Variants in YPEL1 observed in about 807,000 individuals in gnomAD.
YPEL1 encodes the protein protein yippee-like 1.
YPEL1 carries 7 observed loss-of-function variants against 17.3 expected under a neutral mutation model. The ratio of observed to expected loss-of-function variants is 0.40; its 90% CI spans 0.23 to 0.76. The LOEUF (loss-of-function observed/expected upper bound fraction) is 0.76. YPEL1 is among the 30% of genes least tolerant of loss of function. The pLI, the probability that YPEL1 is intolerant of heterozygous loss-of-function variation, is 0.35. For synonymous variants in YPEL1, 59 were observed against 59.6 expected (o/e 0.99, Z 0.05); for missense variants, 91 against 155.5 (o/e 0.59, Z 2.21).
Position 21,703,996 on chromosome 22 carries a change from ACCG to A in YPEL1, c.118-117_118-115del. On this transcript the variant is annotated intron_variant, in intron 2 of 4. Transcript: ENST00000339468. The surrounding 1 kb of genome is among the most constrained non-coding windows in gnomAD (Gnocchi z 6.1). The stretch of plus-strand genomic sequence containing the variant: ...GCTGTTAGCTGCGCCGGGACGCGTC[ACCG>A]GGAGCAGACACCGGCGTCCCCCCTC... 8.3e-7 allele frequency: 1 copy of A among 1,201,214 alleles called. No homozygotes were observed. Among genetic ancestry groups the A allele is most frequent in the Non-Finnish European group, 1.2e-6 (1 of 827,014 alleles). The allele number at this position is 1,201,214 out of a possible 1,614,324, so 74.4% of individuals were successfully genotyped here.
chr22:21,714,510 C>A (rs1375780505), intron 1 of YPEL1, among the ~76,000 whole-genome samples: 1 of 152,240 alleles, frequency 6.6e-6, no homozygotes, highest in Non-Finnish European at 1.5e-5. Context: ...GGGCCCCCTT[C>A]ACCTGGTGTC....
chr22:21,706,672 C>T (rs1158282665), intron 2 of YPEL1, among the ~76,000 whole-genome samples: 1 of 151,720 alleles, frequency 6.6e-6, no homozygotes, highest in Admixed American at 6.6e-5. Flanking sequence ...ATGGCAAAAC[C>T]CTGTCCCTAC....
At chr22:21,712,892 T>G (rs1281092606) in intron 1 of YPEL1, among the ~76,000 whole-genome samples, 2 of 152,036 alleles carry the variant, frequency 1.3e-5, no homozygotes, top group Non-Finnish European at 2.9e-5. Context: ...TATTAGAATA[T>G]ATTTAAGAAA....
At chr22:21,704,025 C>T in intron 2 of YPEL1, 143 bp from the exon 3 acceptor site, 1 of 865,106 alleles carries the variant, frequency 1.2e-6, no homozygotes, top group South Asian at 1.4e-5. Context: ...GTCCCCCCTC[C>T]AGAACTCCAC....
intron 2 of YPEL1, among the ~76,000 whole-genome samples, chr22:21,704,873 C>G (rs73384110): frequency 6.6e-6 from 1 of 152,134 alleles, no homozygotes; most frequent in Non-Finnish European, 1.5e-5. Context: ...TTTGCCCTCA[C>G]GGGACAGGTG....
At chr22:21,706,448 A>AG (rs1344797796) in intron 2 of YPEL1, among the ~76,000 whole-genome samples, 65 of 152,212 alleles carry the variant, frequency 4.3e-4, no homozygotes, top group African/African-American at 1.6e-3. Context: ...AAAAAAAAAA[A>AG]AAGAAAAAAA....
intron 1 of YPEL1, among the ~76,000 whole-genome samples, chr22:21,728,178 T>G (rs1307040015): frequency 6.6e-6 from 1 of 151,974 alleles, no homozygotes; most frequent in East Asian, 1.9e-4. Flanking sequence ...GGTGGTGGTG[T>G]CACCTGCCCG....
rs1436097283 is a variant in YPEL1 at position 21,703,985 on chromosome 22, C to T, written c.118-103G>A. 23 of 1,303,916 alleles carry T rather than the reference C, an allele frequency of 1.8e-5. No individual in the cohort carries two copies. Among genetic ancestry groups the T allele is most frequent in the Non-Finnish European group, 2.1e-5 (19 of 921,054 alleles). 80.8% of individuals were successfully genotyped at this position (1,303,916 alleles called of 1,614,324 possible). ...CCAGCCCCGCGGCTGTTAGCTGCGCCGGGACGCGTCACCGGGAGCAGACAC... is the reference window on the plus strand; with the variant it reads ...CCAGCCCCGCGGCTGTTAGCTGCGCTGGGACGCGTCACCGGGAGCAGACAC... On this transcript the variant is annotated intron_variant, in intron 2 of 4. Coordinates refer to ENST00000339468, the MANE Select transcript of YPEL1 (RefSeq NM_013313.5). This position sits in a 1 kb window ranked among gnomAD's most constrained non-coding sequence, Gnocchi z 6.1.
Position 21,698,658 on chromosome 22 carries a change from A to G in YPEL1, c.*2471T>C, listed in dbSNP as rs1310321310. The G allele has an allele frequency of 6.6e-6, 1 of 152,408 alleles. No homozygotes were observed. Among genetic ancestry groups the G allele is most frequent in the Admixed American group, 6.5e-5 (1 of 15,288 alleles). The allele number at this position is 152,408 out of a possible 1,614,324, so 9.4% of individuals were successfully genotyped here. A position where few individuals can be genotyped will look rare whatever the true frequency, so the allele number is the denominator to read the frequency against. On this transcript the variant is annotated 3_prime_UTR_variant, in exon 5 of 5. Coordinates refer to ENST00000339468, the MANE Select transcript of YPEL1 (RefSeq NM_013313.5). ...AGTGAACTCCTTCTTCCACCCGGGA[A>G]GGTGTCTTTCAGCCTCTTCACAGTC...
Position 21,728,295 on chromosome 22 carries a change from C to A in YPEL1, c.-165+7320G>T, listed in dbSNP as rs1273625565. ...CCTGCTTTTAGCTTTGCCTCTCCCA[C>A]CCCTCACTGGCAAGGCACCGTCCTT... On this transcript the variant is annotated intron_variant, in intron 1 of 4. Transcript: ENST00000339468. 4.6e-5 allele frequency among the ~76,000 whole-genome samples: 7 copies of A among 152,126 alleles called. No homozygotes were observed. In the East Asian group the frequency reaches 1.3e-3, roughly 29 times the overall value.
chr22:21,708,127 A>G (rs2068130712), intron 2 of YPEL1, among the ~76,000 whole-genome samples: 1 of 151,952 alleles, frequency 6.6e-6, no homozygotes, highest in South Asian at 2.1e-4. Context: ...CGATGGTCTC[A>G]ATGAATCCTC....
chr22:21,704,014 C>G, intron 2 of YPEL1, 132 bp from the exon 3 acceptor site: 1 of 973,988 alleles, frequency 1.0e-6, no homozygotes, highest in Non-Finnish European at 1.6e-6. Flanking sequence ...CAGACACCGG[C>G]GTCCCCCCTC....
At chr22:21,727,776 G>A (rs1247463340) in intron 1 of YPEL1, among the ~76,000 whole-genome samples, 2 of 152,098 alleles carry the variant, frequency 1.3e-5, no homozygotes, top group Non-Finnish European at 2.9e-5. Flanking sequence ...CCCATCCCTG[G>A]GGCACCTGTG....
At chr22:21,728,479 A>G (rs1315637021) in intron 1 of YPEL1, among the ~76,000 whole-genome samples, 1 of 152,228 alleles carries the variant, frequency 6.6e-6, no homozygotes, top group Non-Finnish European at 1.5e-5. Flanking sequence ...TCGCACGATT[A>G]ACAGCAGTTC....
intron 2 of YPEL1, among the ~76,000 whole-genome samples, chr22:21,709,528 C>T (rs2148600334): frequency 6.6e-6 from 1 of 152,262 alleles, no homozygotes; most frequent in South Asian, 2.1e-4. Context: ...ATAATCCCAG[C>T]ACTTTGGGAG....
At chr22:21,701,370 G>A (rs779006254) in intron 4 of YPEL1, 152 bp from the exon 5 acceptor site, 34 of 569,812 alleles carry the variant, frequency 6.0e-5, no homozygotes, top group Non-Finnish European at 9.6e-5. Flanking sequence ...GGGAGGGTCT[G>A]TTCCAGGTGA....
At position 21,703,490 on chromosome 22, in the gene YPEL1, G is replaced by A. The variant is rs1283739752; in HGVS notation, c.162-12C>T. ...AGCCCACGTTCACCCTGCGGGGACA[G>A]AGGGGCCACTGCGCTGCAGGCCCGG... On this transcript the variant is annotated splice_polypyrimidine_tract_variant and intron_variant, in intron 3 of 4. Coordinates refer to ENST00000339468, the MANE Select transcript of YPEL1 (RefSeq NM_013313.5). This position sits in a 1 kb window ranked among gnomAD's most constrained non-coding sequence, Gnocchi z 6.1. 8 of 1,604,398 alleles carry A rather than the reference G, an allele frequency of 5.0e-6. No individual in the cohort carries two copies. The highest frequency in any genetic ancestry group is 3.3e-5 in the South Asian group (3 of 91,038).
At chr22:21,720,721 C>T (rs1336580602) in intron 1 of YPEL1, among the ~76,000 whole-genome samples, 3 of 151,252 alleles carry the variant, frequency 2.0e-5, no homozygotes, top group South Asian at 2.1e-4. Context: ...AACTCCTGAC[C>T]TCACATGATC....
At chr22:21,732,726 G>A (rs2068400261) in intron 1 of YPEL1, among the ~76,000 whole-genome samples, 1 of 151,986 alleles carries the variant, frequency 6.6e-6, no homozygotes, top group African/African-American at 2.4e-5. Context: ...AGGCTGCACT[G>A]AGCCGAGATC....
Sources: allele counts gnomAD v4.1 joint callset (sites outside exome capture counted in the v4.1 genomes callset), GRCh38; gene constraint gnomAD v4.1.1; non-coding constraint Gnocchi (gnomAD v3.1); transcripts MANE v1.5; gene names NCBI Gene and HGNC (gene_info 2026-07-23, HGNC 2026-07-21).